The following GOLM1 variants were observed in gnomAD, a reference collection of about 807,000 sequenced individuals.
GOLM1 encodes epididymis luminal protein 46.
In GOLM1, 31 loss-of-function variants were observed where a neutral mutation model predicts 50.5. That is an observed-to-expected ratio of 0.61 (90% CI 0.46 to 0.83). GOLM1 has a LOEUF of 0.83. Ranked by LOEUF, GOLM1 falls within the 40% of genes least tolerant of loss-of-function variation. GOLM1 has a pLI of 0.00. For missense variants in GOLM1, 491 were observed against 501.3 expected, an observed-to-expected ratio of 0.98 and a Z score of 0.20; for synonymous variants, 178 against 192.8, an observed-to-expected ratio of 0.92 and a Z score of 0.64.
chr9:86,053,614 C>CACCATTCCACCACACAA (rs1833874870), intron 3 of GOLM1, among the ~76,000 whole-genome samples: 3 of 2,756 alleles, frequency 1.1e-3, no homozygotes, highest in African/African-American at 1.4e-3. Context: ...ACATCACACA[C>CACCATTCCACCACACAA]CACACCAAAC....
At chr9:86,035,657 G>C in intron 7 of GOLM1, 32 bp from the exon 8 acceptor site, 9 of 1,254,590 alleles carry the variant, frequency 7.2e-6, no homozygotes, top group African/African-American at 1.7e-5. Context: ...CTGTGACCTT[G>C]CCAGCATTTG....
chr9:86,046,675 C>G, intron 4 of GOLM1, 103 bp from the exon 5 acceptor site: 1 of 734,840 alleles, frequency 1.4e-6, no homozygotes, highest in Non-Finnish European at 2.5e-6. Flanking sequence ...CCATAAAGGG[C>G]AAGGACAGAT....
intron 5 of GOLM1, among the ~76,000 whole-genome samples, chr9:86,044,907 G>A (rs1036803798): frequency 2.6e-5 from 4 of 151,514 alleles, no homozygotes; most frequent in Admixed American, 1.3e-4. Context: ...AGCTGAGATC[G>A]TACCACTGCA....
chr9:86,095,227 C>T (rs1182091098), intron 1 of GOLM1, among the ~76,000 whole-genome samples: 1 of 151,918 alleles, frequency 6.6e-6, no homozygotes, highest in Non-Finnish European at 1.5e-5. Flanking sequence ...ATAGTTTTTA[C>T]ATTTTTTTTC....
At chr9:86,083,916 T>C (rs922410693) in intron 1 of GOLM1, among the ~76,000 whole-genome samples, 3 of 152,246 alleles carry the variant, frequency 2.0e-5, no homozygotes, top group Non-Finnish European at 2.9e-5. Context: ...ATAGTCTTTA[T>C]CTTCCTCCTT....
At chr9:86,089,049 G>A (rs985242779) in intron 1 of GOLM1, among the ~76,000 whole-genome samples, 8 of 152,092 alleles carry the variant, frequency 5.3e-5, no homozygotes, top group Admixed American at 1.3e-4. Flanking sequence ...ATGAAATTCC[G>A]GGTTGAAAGT....
chr9:86,090,801 A>AAC, intron 1 of GOLM1, among the ~76,000 whole-genome samples: 1 of 151,184 alleles, frequency 6.6e-6, no homozygotes, highest in South Asian at 2.1e-4. Flanking sequence ...AAAAAAAAAA[A>AAC]AAAAAAAAAA....
Position 86,052,578 on chromosome 9 carries a change from T to C in GOLM1, c.323A>G (p.Asn108Ser). Residue 108 changes from asparagine to serine, a missense_variant, in exon 4 of 10, where the codon AAT becomes AGT. By Grantham distance (46) the Asn-to-Ser change is conservative. Transcript: ENST00000388712. ...GAGCCTCTCACCTGTGGTGATGTTA[T>C]TCACCAAAACCGCCTGCAACGAAGA... ...LYQDEKAVLV[N>S]NITTGERLIR... is the part of the protein sequence containing the mutation. The C allele has an allele frequency of 6.2e-7, 1 of 1,613,652 alleles. No homozygotes were observed. The highest frequency in any genetic ancestry group is 8.5e-7 in the Non-Finnish European group (1 of 1,179,596).
At position 86,031,027 on chromosome 9, in the gene GOLM1, T is replaced by C. The variant is rs146520824; in HGVS notation, c.1129+2255A>G. On this transcript the variant is annotated intron_variant, in intron 9 of 9. Coordinates refer to ENST00000388712, the MANE Select transcript of GOLM1 (RefSeq NM_016548.4). ...GAGATGGAGACCATCCTGGCCAATA[T>C]GGTGAAACCCCGTCTCTAATAAAAA... Among the ~76,000 whole-genome samples the C allele has an allele frequency of 3.4e-3, 510 of 151,654 alleles. 4 individuals carry two copies. The highest frequency in any genetic ancestry group is 0.012 in the African/African-American group (490 of 41,404).
intron 9 of GOLM1, among the ~76,000 whole-genome samples, chr9:86,028,973 C>G (rs531606767): frequency 6.6e-6 from 1 of 151,880 alleles, no homozygotes. Flanking sequence ...CTAAGCTTCC[C>G]GAGTAGCTGG....
chr9:86,060,876 CAAAAAAAAAAAAAAAAAA>C lies in GOLM1; in HGVS notation c.310-8303_310-8286del, dbSNP rs753183065. On this transcript the variant is annotated intron_variant, in intron 3 of 9. Transcript: ENST00000388712. ...CTGGGCAACAAGAGCGAAACTCTCTCAAAAAAAAAAAAAAAAAAAAAAAAAAAAAAAAAAAAAAGAAGA... is the reference window on the plus strand; with the variant it reads ...CTGGGCAACAAGAGCGAAACTCTCTCAAAAAAAAAAAAAAAAAAAAGAAGA... Among the ~76,000 whole-genome samples the C allele has an allele frequency of 5.6e-3, 112 of 19,902 alleles. 1 individual carries two copies. Among genetic ancestry groups the C allele is most frequent in the Middle Eastern group, 0.071 (1 of 14 alleles). The allele number at this position is 19,902 out of a possible 152,430, so 13.1% of individuals were successfully genotyped here.
intron 3 of GOLM1, among the ~76,000 whole-genome samples, chr9:86,061,936 T>C (rs1587720179): frequency 6.6e-6 from 1 of 152,002 alleles, no homozygotes; most frequent in Non-Finnish European, 1.5e-5. Flanking sequence ...GAAAGGCGGG[T>C]CTGGACCTGC....
intron 3 of GOLM1, among the ~76,000 whole-genome samples, chr9:86,053,806 TACACC>T (rs535782633): frequency 0.011 from 813 of 72,342 alleles, 3 homozygotes; most frequent in Non-Finnish European, 0.017. Context: ...CACAACACCA[TACACC>T]ACACATCACA....
At chr9:86,059,723 C>T (rs753127862) in intron 3 of GOLM1, among the ~76,000 whole-genome samples, 1 of 151,764 alleles carries the variant, frequency 6.6e-6, no homozygotes, top group Middle Eastern at 3.4e-3. Context: ...ACTGAAACCC[C>T]GTCTCTACTA....
At chr9:86,087,543 C>A (rs777219041) in intron 1 of GOLM1, among the ~76,000 whole-genome samples, 1 of 152,128 alleles carries the variant, frequency 6.6e-6, no homozygotes, top group Non-Finnish European at 1.5e-5. Flanking sequence ...ATGCCTCCAG[C>A]TTTTGCCCAT....
intron 1 of GOLM1, among the ~76,000 whole-genome samples, chr9:86,091,416 A>G (rs1174007435): frequency 6.6e-6 from 1 of 152,030 alleles, no homozygotes; most frequent in Non-Finnish European, 1.5e-5. Flanking sequence ...AAGGAAATAC[A>G]AAGAATGCAG....
chr9:86,085,051 AAAC>A, intron 1 of GOLM1: 1 of 57,154 alleles, frequency 1.7e-5, no homozygotes, highest in Non-Finnish European at 5.0e-5. Context: ...TGTCCCAGAG[AAAC>A]AAACAAAAAG....
At chr9:86,084,714 G>A (rs929545295) in intron 1 of GOLM1, among the ~76,000 whole-genome samples, 3 of 152,182 alleles carry the variant, frequency 2.0e-5, no homozygotes, top group African/African-American at 4.8e-5. Context: ...TCAAATGCAT[G>A]AGCCCCTTGA....
At chr9:86,063,194 C>T (rs531759197) in intron 3 of GOLM1, among the ~76,000 whole-genome samples, 2 of 152,324 alleles carry the variant, frequency 1.3e-5, no homozygotes, top group South Asian at 2.1e-4. Flanking sequence ...AGAAGAATGC[C>T]GGATTACAAC....
Sources: allele counts gnomAD v4.1 joint callset (sites outside exome capture counted in the v4.1 genomes callset), GRCh38; gene constraint gnomAD v4.1.1; transcripts MANE v1.5; gene names NCBI Gene and HGNC (gene_info 2026-07-23, HGNC 2026-07-21).